Variants in TLN2 observed in about 807,000 individuals in gnomAD.
TLN2 encodes talin-2.
In TLN2, 118 loss-of-function variants were observed where a neutral mutation model predicts 294.7. That is an observed-to-expected ratio of 0.40 (90% CI 0.34 to 0.47). TLN2 has a LOEUF of 0.47. Ranked by LOEUF, TLN2 falls within the 20% of genes least tolerant of loss-of-function variation. TLN2 has a pLI of 0.84. For synonymous variants in TLN2, 1,431 were observed against 1,304.5 expected (o/e 1.10, Z -2.09); for missense variants, 3,083 against 3,282.2 (o/e 0.94, Z 1.48).
At chr15:62,778,066 T>G (rs1414038766) in intron 43 of TLN2, among the ~76,000 whole-genome samples, 2 of 152,242 alleles carry the variant, frequency 1.3e-5, no homozygotes, top group African/African-American at 4.8e-5. Context: ...CTTTAATTGC[T>G]AATTTAGAGA....
intron 1 of TLN2, among the ~76,000 whole-genome samples, chr15:62,465,257 G>A (rs957862716): frequency 1.3e-5 from 2 of 151,838 alleles, no homozygotes; most frequent in Non-Finnish European, 2.9e-5. Context: ...GGGAGTTATC[G>A]CTTACTTTCC....
intron 1 of TLN2, among the ~76,000 whole-genome samples, chr15:62,515,856 C>G (rs917407348): frequency 4.6e-5 from 7 of 152,316 alleles, no homozygotes; most frequent in African/African-American, 1.7e-4. Context: ...TAGGCACCCT[C>G]TGCCTGTCCT....
chr15:62,482,889 G>T (rs753019337), intron 1 of TLN2, among the ~76,000 whole-genome samples: 1 of 152,122 alleles, frequency 6.6e-6, no homozygotes, highest in Non-Finnish European at 1.5e-5. Context: ...CTCCCTGAGG[G>T]CTTCTCTTTC....
intron 1 of TLN2, among the ~76,000 whole-genome samples, chr15:62,568,740 G>A (rs181496827): frequency 6.6e-6 from 1 of 152,128 alleles, no homozygotes; most frequent in Non-Finnish European, 1.5e-5. Context: ...TGGGCTTTTG[G>A]GGGTGGGAAC....
rs138359990 is a variant in TLN2, at chr15:62,466,601, A to G, written c.-238+75916A>G. On this transcript the variant is annotated intron_variant, in intron 1 of 58. Coordinates refer to ENST00000636159, the MANE Select transcript of TLN2 (RefSeq NM_015059.3). ...ATGATGCCCCTGGGAATTTGTAAAC[A>G]CAGCTTTTATATTAGCATGATCCCT... Among the ~76,000 whole-genome samples the G allele has an allele frequency of 1.8e-4, 27 of 152,348 alleles. No homozygotes were observed. In the East Asian group the frequency reaches 5.2e-3, roughly 29 times the overall value.
chr15:62,559,314 G>A (rs778991027), intron 1 of TLN2, among the ~76,000 whole-genome samples: 6 of 152,192 alleles, frequency 3.9e-5, no homozygotes, highest in African/African-American at 1.4e-4. Flanking sequence ...TACAATCTAA[G>A]TAACTGAGGC....
At chr15:62,602,974 A>G (rs947474638) in intron 2 of TLN2, among the ~76,000 whole-genome samples, 2 of 151,244 alleles carry the variant, frequency 1.3e-5, no homozygotes, top group Non-Finnish European at 2.9e-5. Flanking sequence ...CTCACTGCAA[A>G]CTCTGCCTCC....
At position 62,707,982 on chromosome 15, in the gene TLN2, G is replaced by T. The variant is rs146696400; in HGVS notation, c.2173-520G>T. On this transcript the variant is annotated intron_variant, in intron 20 of 58. Transcript: ENST00000636159. ...TGGCTCAGCTTGGCATCAATAGCCT[G>T]TGGTAAGATTTGCAGCATCGTCTCC... is the stretch of plus-strand genomic sequence containing the variant. Among the ~76,000 whole-genome samples, 122 of 152,122 alleles carry T rather than the reference G, an allele frequency of 8.0e-4. 4 individuals carry two copies. In the South Asian group the frequency reaches 0.025, roughly 31 times the overall value.
At chr15:62,589,289 G>GA (rs927108462) in intron 1 of TLN2, among the ~76,000 whole-genome samples, 1 of 151,912 alleles carries the variant, frequency 6.6e-6, no homozygotes, top group Non-Finnish European at 1.5e-5. Flanking sequence ...AGCTAAATAG[G>GA]AAAAAAAGAA....
chr15:62,693,991 CA>C (rs375132776), intron 13 of TLN2, among the ~76,000 whole-genome samples: 10,636 of 119,174 alleles, frequency 0.089, 1,097 homozygotes, highest in African/African-American at 0.26. Context: ...TTTTTTGAGA[CA>C]GAGTCTCCCT....
intron 3 of TLN2, among the ~76,000 whole-genome samples, chr15:62,622,956 G>C (rs1010930433): frequency 2.0e-5 from 3 of 152,212 alleles, no homozygotes; most frequent in Non-Finnish European, 4.4e-5. Flanking sequence ...CCCATCATCT[G>C]TCTGTGTGCC....
rs570044742 is a variant in TLN2 at position 62,549,108 on chromosome 15, T to C, written c.-237-40579T>C. ...AGTAGGACTGTACATGTAGAGTCAA[T>C]TAGCTGCCTTTAATTGAGACCCTAC... On this transcript the variant is annotated intron_variant, in intron 1 of 58. Transcript: ENST00000636159. Among the ~76,000 whole-genome samples the C allele has an allele frequency of 6.6e-5, 10 of 152,308 alleles. 1 individual carries two copies. The highest frequency in any genetic ancestry group is 2.4e-4 in the African/African-American group (10 of 41,572).
At chr15:62,512,794 TC>T (rs2140455281) in intron 1 of TLN2, among the ~76,000 whole-genome samples, 1 of 152,340 alleles carries the variant, frequency 6.6e-6, no homozygotes, top group African/African-American at 2.4e-5. Context: ...ACACAAATCC[TC>T]CATGCTGCTC....
At chr15:62,561,818 C>A (rs2042984747) in intron 1 of TLN2, among the ~76,000 whole-genome samples, 1 of 152,160 alleles carries the variant, frequency 6.6e-6, no homozygotes, top group East Asian at 1.9e-4. Flanking sequence ...CTGCTGCTTC[C>A]TCTTGCAGTA....
intron 1 of TLN2, among the ~76,000 whole-genome samples, chr15:62,401,784 T>A (rs2033039646): frequency 6.6e-6 from 1 of 152,176 alleles, no homozygotes; most frequent in Non-Finnish European, 1.5e-5. Context: ...AACCTCTTAG[T>A]CCCTTGACCA....
chr15:62,423,232 A>G (rs1390406257), intron 1 of TLN2, among the ~76,000 whole-genome samples: 1 of 152,100 alleles, frequency 6.6e-6, no homozygotes, highest in Non-Finnish European at 1.5e-5. Flanking sequence ...CGTCTCTACA[A>G]AAAAATTATC....
intron 19 of TLN2, among the ~76,000 whole-genome samples, chr15:62,706,185 C>G (rs564943017): frequency 1.9e-4 from 29 of 151,202 alleles, no homozygotes; most frequent in African/African-American, 7.0e-4. Flanking sequence ...ATAAAAATGG[C>G]TCATATGTTT....
At chr15:62,815,277 GACTC>G in intron 52 of TLN2, among the ~76,000 whole-genome samples, 1 of 151,002 alleles carries the variant, frequency 6.6e-6, no homozygotes, top group South Asian at 2.1e-4. Flanking sequence ...TCTGCAGAAA[GACTC>G]TGTATGATCA....
intron 9 of TLN2, chr15:62,658,287 G>C (rs2053447639): frequency 5.8e-6 from 1 of 171,672 alleles, no homozygotes. Context: ...AGCATGAGAT[G>C]TGTCCAGCAG....
Sources: allele counts gnomAD v4.1 joint callset (sites outside exome capture counted in the v4.1 genomes callset), GRCh38; gene constraint gnomAD v4.1.1; transcripts MANE v1.5; gene names NCBI Gene and HGNC (gene_info 2026-07-23, HGNC 2026-07-21).